Variants in SLCO4A1 observed in about 807,000 individuals in gnomAD.
SLCO4A1 encodes solute carrier organic anion transporter family member 4A1.
A neutral mutation model predicts 64.6 loss-of-function variants in SLCO4A1; 51 were observed. The observed-to-expected ratio is 0.79, with a 90% CI of 0.63 to 1.00. SLCO4A1 has a LOEUF of 1.00. Ranked by LOEUF, SLCO4A1 falls within the 50% of genes least tolerant of loss-of-function variation. SLCO4A1 has a pLI of 0.00. For synonymous variants in SLCO4A1, 471 were observed against 444.9 expected (o/e 1.06, Z -0.74); for missense variants, 919 against 980.5 (o/e 0.94, Z 0.84).
chr20:62,658,894 C>A, intron 3 of SLCO4A1, 127 bp downstream of exon 3: 1 of 779,546 alleles, frequency 1.3e-6, no homozygotes, highest in South Asian at 1.7e-5. Context: ...ACCCCCCGGG[C>A]TGGAGGGAGT....
chr20:62,645,462 G>GGGTGAGGGTGCGGGTGAT lies in SLCO4A1; in HGVS notation c.-97+2910_-97+2911insGTGAGGGTGCGGGTGATG, dbSNP rs1273762728. Among the ~76,000 whole-genome samples the GGGTGAGGGTGCGGGTGAT allele has an allele frequency of 2.0e-5, 3 of 147,748 alleles. No homozygotes were observed. Among genetic ancestry groups the GGGTGAGGGTGCGGGTGAT allele is most frequent in the Non-Finnish European group, 4.5e-5 (3 of 66,558 alleles). On this transcript the variant is annotated intron_variant, in intron 1 of 11. Coordinates refer to ENST00000217159, the MANE Select transcript of SLCO4A1 (RefSeq NM_016354.4). This position sits in a 1 kb window ranked among gnomAD's most constrained non-coding sequence, Gnocchi z 4.2. The stretch of plus-strand genomic sequence containing the variant: ...ACGGTGAGGGTGAGGGTGCGGGTGA[G>GGGTGAGGGTGCGGGTGAT]GATGAGGGTGCGGGTGAGGACCCAC...
At chr20:62,652,582 G>C (rs150400693) in intron 1 of SLCO4A1, among the ~76,000 whole-genome samples, 1 of 152,350 alleles carries the variant, frequency 6.6e-6, no homozygotes, top group Non-Finnish European at 1.5e-5. Flanking sequence ...TGGCTCGTGG[G>C]TGGCCGTGGG....
chr20:62,663,685 C>T (rs1159050463), intron 5 of SLCO4A1, among the ~76,000 whole-genome samples: 1 of 152,160 alleles, frequency 6.6e-6, no homozygotes, highest in Non-Finnish European at 1.5e-5. Context: ...GAGCCCCCCA[C>T]TCAGTGGGGG....
intron 1 of SLCO4A1, among the ~76,000 whole-genome samples, chr20:62,642,756 C>T (rs982802034): frequency 6.6e-6 from 1 of 152,152 alleles, no homozygotes; most frequent in Admixed American, 6.5e-5. Flanking sequence ...AGGCCAAATT[C>T]GCCGCTTCCC....
In SLCO4A1 at chr20:62,668,763, C is replaced by T. The variant is rs139628112; in HGVS notation, c.1877-167C>T. 6.7e-3 allele frequency among the ~76,000 whole-genome samples: 1,015 copies of T among 152,236 alleles called. 9 individuals carry two copies. The highest frequency in any genetic ancestry group is 0.036 in the South Asian group (173 of 4,826). On this transcript the variant is annotated intron_variant, in intron 10 of 11. Transcript: ENST00000217159. ...CATGGGAAACTCGCAGCCCCAATGC[C>T]GAATGCCCAAAGAAAGGAACGTTTA...
At chr20:62,685,975 C>G (rs1263856199), downstream of SLCO4A1, among the ~76,000 whole-genome samples, 5 of 152,178 alleles carry the variant, frequency 3.3e-5, no homozygotes, top group Admixed American at 3.3e-4. The surrounding 1 kb of genome is among the most constrained non-coding windows in gnomAD (Gnocchi z 4.6). Context: ...TCTCTGATGA[C>G]AGAACATACC....
chr20:62,688,501 G>A (rs1307797243), downstream of SLCO4A1, among the ~76,000 whole-genome samples: 1 of 152,192 alleles, frequency 6.6e-6, no homozygotes, highest in African/African-American at 2.4e-5. Flanking sequence ...ACACAATTCT[G>A]CCTATATTTT....
intron 11 of SLCO4A1, among the ~76,000 whole-genome samples, chr20:62,670,377 G>A (rs941640543): frequency 6.6e-5 from 10 of 152,186 alleles, no homozygotes; most frequent in African/African-American, 1.2e-4. Flanking sequence ...CTTAGCAGCC[G>A]GTGTGGTTCC....
chr20:62,682,227 AG>A (rs1987867050), intron 2 of SLCO4A1, among the ~76,000 whole-genome samples: 1 of 152,190 alleles, frequency 6.6e-6, no homozygotes. Context: ...TGCACCTGGG[AG>A]CCGTACGCCT....
At chr20:62,683,436 G>A (rs888297769) in intron 2 of SLCO4A1, among the ~76,000 whole-genome samples, 22 of 152,154 alleles carry the variant, frequency 1.4e-4, no homozygotes, top group Non-Finnish European at 2.9e-5. Context: ...CGCTTGGCGG[G>A]ACGGAAGCTG....
In SLCO4A1 at chr20:62,668,034, T is replaced by C. The variant is rs1273576448; in HGVS notation, c.1661T>C (p.Ile554Thr). 1 of 1,613,950 alleles carries C rather than the reference T, an allele frequency of 6.2e-7. No homozygotes were observed. The highest frequency in any genetic ancestry group is 1.3e-5 in the African/African-American group (1 of 74,944). ...GQKVYRDCSC[I>T]PQNLSSGFGH... ...CAGGTGTACCGAGACTGTAGCTGTATCCCTCAGAATCTTTCCTCTGGTTTT... is the reference window on the plus strand; with the variant it reads ...CAGGTGTACCGAGACTGTAGCTGTACCCCTCAGAATCTTTCCTCTGGTTTT... The change falls in exon 9 of 12, where the codon ATC becomes ACC. Residue 554 changes from isoleucine (I) to threonine (T), a missense_variant. By Grantham distance (89) the Ile-to-Thr change is moderately conservative. Transcript: ENST00000217159.
At chr20:62,667,478 G>A (rs1601670012) in intron 7 of SLCO4A1, 1 of 480,314 alleles carries the variant, frequency 2.1e-6, no homozygotes, top group Non-Finnish European at 3.7e-6. Context: ...AAAAACAAAT[G>A]AACTAGGGAA....
rs8116891 is a variant in SLCO4A1, at chr20:62,647,712, G to A, written c.-97+5159G>A. Among the ~76,000 whole-genome samples the A allele has an allele frequency of 9.7e-3, 1,473 of 152,370 alleles. 24 individuals carry two copies. Among genetic ancestry groups the A allele is most frequent in the African/African-American group, 0.031 (1,281 of 41,584 alleles). ...AAGTGCATGGGGCCTAGGGAAGTAG[G>A]TGGGCTTCTAGAAGTGGCACAGGCC... is the stretch of plus-strand genomic sequence containing the variant. On this transcript the variant is annotated intron_variant, in intron 1 of 11. Coordinates refer to ENST00000217159, the MANE Select transcript of SLCO4A1 (RefSeq NM_016354.4).
chr20:62,649,627 G>A (rs1279863427), intron 1 of SLCO4A1: 4 of 152,380 alleles, frequency 2.6e-5, no homozygotes, highest in Admixed American at 6.5e-5. Flanking sequence ...AGGAGCCAGG[G>A]TGGCCTGGGG....
Position 62,645,954 on chromosome 20 carries a change from C to G in SLCO4A1, c.-97+3401C>G, listed in dbSNP as rs1255257150. ...GTCTGCCCCAGGCTCACTTGGGGCC[C>G]TTGCATTTGCCACTGGACTCTGCCT... On this transcript the variant is annotated intron_variant, in intron 1 of 11. Transcript: ENST00000217159. This position sits in a 1 kb window ranked among gnomAD's most constrained non-coding sequence, Gnocchi z 4.2. 1.3e-5 allele frequency among the ~76,000 whole-genome samples: 2 copies of G among 152,108 alleles called. No homozygotes were observed. The highest frequency in any genetic ancestry group is 1.5e-5 in the Non-Finnish European group (1 of 68,010).
intron 5 of SLCO4A1, among the ~76,000 whole-genome samples, chr20:62,663,917 T>C (rs1312869282): frequency 1.3e-5 from 2 of 152,230 alleles, no homozygotes; most frequent in South Asian, 2.1e-4. Context: ...CAGCATCTTA[T>C]GCGCTTAAGC....
downstream of SLCO4A1, among the ~76,000 whole-genome samples, chr20:62,689,708 G>A (rs1051254332): frequency 2.6e-5 from 4 of 152,226 alleles, no homozygotes; most frequent in Admixed American, 1.3e-4. Flanking sequence ...GAAGGCGACC[G>A]CCATGCCTTA....
downstream of SLCO4A1, among the ~76,000 whole-genome samples, chr20:62,688,152 G>A (rs574799937): frequency 1.9e-3 from 285 of 152,228 alleles, 1 homozygote; most frequent in South Asian, 0.016. Flanking sequence ...ATACATAGAA[G>A]GGGCTGACTC....
chr20:62,690,512 T>C (rs1600707512), downstream of SLCO4A1, among the ~76,000 whole-genome samples: 1 of 152,174 alleles, frequency 6.6e-6, no homozygotes, highest in African/African-American at 2.4e-5. Context: ...GTGCTATTAC[T>C]CACTATTATC....
Sources: allele counts gnomAD v4.1 joint callset (sites outside exome capture counted in the v4.1 genomes callset), GRCh38; gene constraint gnomAD v4.1.1; non-coding constraint Gnocchi (gnomAD v3.1); transcripts MANE v1.5; gene names NCBI Gene and HGNC (gene_info 2026-07-23, HGNC 2026-07-21).